Variants in HACD3 observed in about 807,000 individuals in gnomAD.
HACD3 encodes 3-hydroxyacyl-CoA dehydratase 3, also known as very-long-chain (3R)-3-hydroxyacyl-CoA dehydratase 3.
Under a neutral mutation model 55.2 loss-of-function variants are expected in HACD3, and 30 were observed. The ratio of observed to expected loss-of-function variants is 0.54; its 90% CI spans 0.41 to 0.74. The LOEUF (loss-of-function observed/expected upper bound fraction) is 0.74, where lower values mean the gene tolerates loss of function less well. Ranked by LOEUF, HACD3 falls within the 30% of genes least tolerant of loss-of-function variation. HACD3 has a pLI of 0.00. For missense variants in HACD3, 363 were observed against 440.1 expected, an observed-to-expected ratio of 0.82 and a Z score of 1.57; for synonymous variants, 141 against 151.7, an observed-to-expected ratio of 0.93 and a Z score of 0.52.
rs781348893 is a variant in HACD3, at chr15:65,562,803, T to C, written c.451T>C (p.Phe151Leu). The C allele has an allele frequency of 3.0e-5, 48 of 1,613,962 alleles. No individual in the cohort carries two copies. Among genetic ancestry groups the C allele is most frequent in the Non-Finnish European group, 4.0e-5 (47 of 1,179,872 alleles). ...TACAAACTTAAGGAAAGGATACCTG[T>C]TTATGTATAATCTTGTGCAATTCTT... Reference protein sequence around the residue: ...TLTNLRKGYLFMYNLVQFLGF... With the variant: ...TLTNLRKGYLLMYNLVQFLGF... Residue 151 changes from phenylalanine to leucine, a missense_variant, in exon 6 of 11, where the codon TTT becomes CTT. Phe to Leu is a conservative substitution (Grantham distance 22, BLOSUM62 0). Transcript: ENST00000261875.
At chr15:65,569,973 C>A in intron 7 of HACD3, 118 bp from the exon 8 acceptor site, 1 of 624,902 alleles carries the variant, frequency 1.6e-6, no homozygotes, top group Non-Finnish European at 2.6e-6. Flanking sequence ...TTAAACTGGT[C>A]GAGGTCAATC....
chr15:65,541,667 A>T (rs775781121), intron 1 of HACD3, among the ~76,000 whole-genome samples: 4 of 152,226 alleles, frequency 2.6e-5, no homozygotes, highest in Admixed American at 6.5e-5. Flanking sequence ...AGACAAATTT[A>T]TGCAATGGTC....
intron 1 of HACD3, among the ~76,000 whole-genome samples, chr15:65,550,058 G>A (rs981500230): frequency 2.0e-5 from 3 of 152,152 alleles, no homozygotes; most frequent in Non-Finnish European, 4.4e-5. Context: ...TAATGATAAG[G>A]TTTCAGTTTA....
chr15:65,545,478 G>A (rs1442365923), intron 1 of HACD3, among the ~76,000 whole-genome samples: 3 of 148,888 alleles, frequency 2.0e-5, no homozygotes, highest in Non-Finnish European at 3.0e-5. Flanking sequence ...TTTTTGAGAC[G>A]GAGTCTCGCT....
At chr15:65,552,750 G>A (rs2072147114) in intron 2 of HACD3, among the ~76,000 whole-genome samples, 1 of 150,914 alleles carries the variant, frequency 6.6e-6, no homozygotes, top group Non-Finnish European at 1.5e-5. Flanking sequence ...GTGCAGGTTA[G>A]TTACATATGT....
chr15:65,538,381 C>T (rs972123978), intron 1 of HACD3, among the ~76,000 whole-genome samples: 3 of 152,148 alleles, frequency 2.0e-5, no homozygotes, highest in Non-Finnish European at 4.4e-5. Flanking sequence ...GGGTTCAAGA[C>T]TTCAGTGGAG....
intron 7 of HACD3, 62 bp from the exon 8 acceptor site, chr15:65,570,029 C>T: frequency 8.8e-7 from 1 of 1,129,980 alleles, no homozygotes; most frequent in South Asian, 1.5e-5. Flanking sequence ...TCAGATAACA[C>T]ATTTCTATAA....
At chr15:65,571,824 C>A (rs1596220043) in intron 9 of HACD3, among the ~76,000 whole-genome samples, 170 bp downstream of exon 9, 1 of 152,298 alleles carries the variant, frequency 6.6e-6, no homozygotes, top group Middle Eastern at 3.4e-3. Flanking sequence ...CCAGACTGTT[C>A]GAGAAAAGTA....
intron 1 of HACD3, among the ~76,000 whole-genome samples, chr15:65,536,259 A>G (rs1451576765): frequency 6.6e-6 from 1 of 151,910 alleles, no homozygotes; most frequent in Non-Finnish European, 1.5e-5. Context: ...CGGCCTCCCA[A>G]AGTGCTGGGA....
At chr15:65,537,963 ATATATATATATATATAT>A in intron 1 of HACD3, among the ~76,000 whole-genome samples, 1 of 2,850 alleles carries the variant, frequency 3.5e-4, no homozygotes, top group African/African-American at 1.3e-3. Context: ...AAAAAAATAT[ATATATATATATATATAT>A]ATATATATAT....
chr15:65,530,720 T>G lies in HACD3; in HGVS notation c.87+2T>G. The stretch of plus-strand genomic sequence containing the variant: ...CGCGTGGAGCTGAGTGACGTACAGG[T>G]AAAGGCCGGGTCGGGCGGCGGGAAG... On this transcript the variant is annotated splice_donor_variant, in intron 1 of 10. Transcript: ENST00000261875. LOFTEE classifies it high-confidence loss of function. 1 of 1,552,336 alleles carries G rather than the reference T, an allele frequency of 6.4e-7. No homozygotes were observed. The highest frequency in any genetic ancestry group is 8.7e-7 in the Non-Finnish European group (1 of 1,149,486).
chr15:65,544,622 ATC>A (rs1427848797), intron 1 of HACD3, among the ~76,000 whole-genome samples: 4 of 152,186 alleles, frequency 2.6e-5, no homozygotes, highest in East Asian at 1.9e-4. Flanking sequence ...GTGAATCCAT[ATC>A]TCAATAAAAA....
In HACD3 at chr15:65,543,838, G is replaced by A. The variant is rs115290509; in HGVS notation, c.88-7838G>A. 8.9e-3 allele frequency among the ~76,000 whole-genome samples: 1,361 copies of A among 152,310 alleles called. 18 individuals carry two copies. Among genetic ancestry groups the A allele is most frequent in the South Asian group, 0.046 (220 of 4,822 alleles). The stretch of plus-strand genomic sequence containing the variant: ...TTTGTGACAATTTGAACATCAACAA[G>A]AGTAATAATGGTAATGGAATTTGGC... On this transcript the variant is annotated intron_variant, in intron 1 of 10. Coordinates refer to ENST00000261875, the MANE Select transcript of HACD3 (RefSeq NM_016395.4).
At chr15:65,548,661 C>T (rs2072100516) in intron 1 of HACD3, among the ~76,000 whole-genome samples, 1 of 152,020 alleles carries the variant, frequency 6.6e-6, no homozygotes, top group Non-Finnish European at 1.5e-5. Flanking sequence ...CAGCTTCGAC[C>T]TCCTGGGCTC....
intron 1 of HACD3, among the ~76,000 whole-genome samples, chr15:65,538,644 A>G (rs1028530971): frequency 3.9e-5 from 6 of 152,266 alleles, no homozygotes; most frequent in African/African-American, 1.4e-4. Flanking sequence ...GCAGGGGTTG[A>G]GAGTATACTC....
At chr15:65,542,730 G>C (rs560484429) in intron 1 of HACD3, among the ~76,000 whole-genome samples, 29 of 152,246 alleles carry the variant, frequency 1.9e-4, no homozygotes, top group African/African-American at 6.3e-4. Context: ...ATTTTATAAA[G>C]TTTGAATTTT....
intron 1 of HACD3, among the ~76,000 whole-genome samples, chr15:65,538,988 A>G (rs961535609): frequency 6.6e-5 from 10 of 152,232 alleles, no homozygotes; most frequent in Admixed American, 2.6e-4. Context: ...AGACTATAGT[A>G]TAATATAAAC....
rs765754510 is a variant in HACD3, at chr15:65,562,870, G to C, written c.518G>C (p.Cys173Ser). 3.1e-6 allele frequency: 5 copies of C among 1,613,728 alleles called. No individual in the cohort carries two copies. In the Admixed American group the frequency reaches 8.3e-5, roughly 27 times the overall value. The change falls in exon 6 of 11, where the codon TGT becomes TCT. Residue 173 changes from cysteine (C) to serine (S), a missense_variant. Cys to Ser is a moderately radical substitution (Grantham distance 112, BLOSUM62 -1). Coordinates refer to ENST00000261875, the MANE Select transcript of HACD3 (RefSeq NM_016395.4). ...TTTGTCAACCTGACTGTGCGATTCTGTATCTTGGGAAAAGGCAAGTAAGAC... is the reference window on the plus strand; with the variant it reads ...TTTGTCAACCTGACTGTGCGATTCTCTATCTTGGGAAAAGGCAAGTAAGAC... ...WIFVNLTVRF[C>S]ILGKESFYDT...
intron 1 of HACD3, among the ~76,000 whole-genome samples, chr15:65,531,688 C>T (rs958927934): frequency 6.6e-6 from 1 of 152,078 alleles, no homozygotes; most frequent in African/African-American, 2.4e-5. Flanking sequence ...GCCTCAGCCT[C>T]CCGAGTAGCT....
Sources: allele counts gnomAD v4.1 joint callset (sites outside exome capture counted in the v4.1 genomes callset), GRCh38; gene constraint gnomAD v4.1.1; transcripts MANE v1.5; gene names NCBI Gene and HGNC (gene_info 2026-07-23, HGNC 2026-07-21).